The following MYOCD variants were observed in gnomAD, a reference collection of about 807,000 sequenced individuals.
The protein encoded by MYOCD is myocardin.
A neutral mutation model predicts 96.1 loss-of-function variants in MYOCD; 32 were observed. The observed-to-expected ratio is 0.33, with a 90% CI of 0.25 to 0.45. The LOEUF (loss-of-function observed/expected upper bound fraction) is 0.45, where lower values mean the gene tolerates loss of function less well. Among genes scored for constraint, MYOCD ranks in the 20% least tolerant of loss-of-function variants. The pLI is 1.00. For missense variants in MYOCD, 1,133 were observed against 1,200.6 expected (o/e 0.94, Z 0.83); for synonymous variants, 469 against 469.0 (o/e 1.00, Z 0.00).
rs748136577 is a variant in MYOCD, at chr17:12,763,145, G to A, written c.2462G>A (p.Ser821Asn). Residue 821 changes from serine (S) to asparagine (N), a missense_variant, in exon 14 of 14, where the codon AGT (serine) becomes AAT (asparagine). Physicochemically the swap from Ser to Asn is conservative, Grantham distance 46. Transcript: ENST00000425538. Reference protein sequence around the residue: ...KVPKIPRSSRSPTAVLTKPSA... With the variant: ...KVPKIPRSSRNPTAVLTKPSA... ...CCAAAGATACCCAGATCTTCCCGAA[G>A]TCCAACTGCTGTCCTCACCAAGCCC... The A allele has an allele frequency of 5.0e-6, 8 of 1,614,040 alleles. No homozygotes were observed. The highest frequency in any genetic ancestry group is 2.5e-6 in the Non-Finnish European group (3 of 1,180,036).
At chr17:12,712,108 G>C (rs1396519160) in intron 2 of MYOCD, among the ~76,000 whole-genome samples, 1 of 151,772 alleles carries the variant, frequency 6.6e-6, no homozygotes, top group African/African-American at 2.4e-5. Context: ...TGATCCACCT[G>C]CCTCAGCCTC....
At chr17:12,710,845 C>A (rs564887057) in intron 2 of MYOCD, among the ~76,000 whole-genome samples, 8 of 152,244 alleles carry the variant, frequency 5.3e-5, no homozygotes, top group Non-Finnish European at 7.4e-5. Flanking sequence ...CCATTTGGGT[C>A]AAAAATCTGA....
chr17:12,711,909 T>C lies in MYOCD; in HGVS notation c.122-3610T>C, dbSNP rs560080580. The stretch of plus-strand genomic sequence containing the variant: ...TGGGGCTGGGTTGGGGCCCAGGAAT[T>C]GGGATTTCTTTTTTCTTTTTTTTTT... On this transcript the variant is annotated intron_variant, in intron 2 of 13. Coordinates refer to ENST00000425538, the MANE Select transcript of MYOCD (RefSeq NM_001146312.3). 3.1e-4 allele frequency among the ~76,000 whole-genome samples: 47 copies of C among 149,430 alleles called. No homozygotes were observed. The South Asian group carries it at 1.0e-2, about 32-fold the overall frequency.
At position 12,717,349 on chromosome 17, in the gene MYOCD, A is replaced by G; in HGVS notation, c.181A>G (p.Lys61Glu). The G allele has an allele frequency of 6.2e-7, 1 of 1,613,508 alleles. No homozygotes were observed. Among genetic ancestry groups the G allele is most frequent in the Non-Finnish European group, 8.5e-7 (1 of 1,179,506 alleles). Residue 61 changes from lysine to glutamate, a missense_variant, in exon 4 of 14, where the codon AAA becomes GAA. Transcript: ENST00000425538. ...TTCTCTTGTTTGGGTTCTACAGGCT[A>G]AAAATTCCCTGAAGCGCAAAGCCAG... The part of the protein sequence containing the change: ...QRKHLDSDKA[K>E]NSLKRKARNR...
intron 1 of MYOCD, among the ~76,000 whole-genome samples, chr17:12,698,904 G>A (rs1291323208): frequency 2.7e-5 from 4 of 150,694 alleles, no homozygotes; most frequent in Admixed American, 2.0e-4. Context: ...CACCACGCCC[G>A]GCTAATTTTT....
Position 12,766,336 on chromosome 17 carries a change from G to A in MYOCD, c.*2692G>A, listed in dbSNP as rs2150734174. On this transcript the variant is annotated 3_prime_UTR_variant, in exon 14 of 14. Coordinates refer to ENST00000425538, the MANE Select transcript of MYOCD (RefSeq NM_001146312.3). ...TTTTTATGGGGATCTTTGAGGCTATGACCCAGGACTGATAGATATGCCTTA... is the reference window on the plus strand; with the variant it reads ...TTTTTATGGGGATCTTTGAGGCTATAACCCAGGACTGATAGATATGCCTTA... The A allele has an allele frequency of 6.6e-6, 1 of 152,266 alleles. No homozygotes were observed. Among genetic ancestry groups the A allele is most frequent in the Non-Finnish European group, 1.5e-5 (1 of 68,038 alleles). 9.4% of individuals were successfully genotyped at this position (152,266 alleles called of 1,614,324 possible).
At chr17:12,756,620 C>G in intron 11 of MYOCD, 63 bp downstream of exon 11, 2 of 1,423,068 alleles carry the variant, frequency 1.4e-6, no homozygotes, top group East Asian at 3.0e-5. Context: ...TTCTGTAACC[C>G]GGGAGGCAGA....
At chr17:12,671,010 C>T (rs1300388405) in intron 1 of MYOCD, among the ~76,000 whole-genome samples, 4 of 152,118 alleles carry the variant, frequency 2.6e-5, no homozygotes, top group African/African-American at 9.7e-5. Context: ...AGCAAGAACC[C>T]CAACCCCCAC....
At chr17:12,759,712 TGGTGTC>T (rs1192035782) in intron 12 of MYOCD, among the ~76,000 whole-genome samples, 1 of 152,194 alleles carries the variant, frequency 6.6e-6, no homozygotes, top group Non-Finnish European at 1.5e-5. Flanking sequence ...CATACCCTAC[TGGTGTC>T]TACAGGTTCC....
chr17:12,736,250 A>G lies in MYOCD; in HGVS notation c.505A>G (p.Ser169Gly). The change falls in exon 6 of 14, where the codon AGT becomes GGT. Residue 169 changes from serine to glycine, a missense_variant. Coordinates refer to ENST00000425538, the MANE Select transcript of MYOCD (RefSeq NM_001146312.3). ...TGGGCTTTCTCCGGATCAGACTCGAAGTGAAGACCCCCAAAACTCAGCGGG... is the reference window on the plus strand; with the variant it reads ...TGGGCTTTCTCCGGATCAGACTCGAGGTGAAGACCCCCAAAACTCAGCGGG... ...SDGLSPDQTR[S>G]EDPQNSAGSP... 1 of 1,614,226 alleles carries G rather than the reference A, an allele frequency of 6.2e-7. No homozygotes were observed. The highest frequency in any genetic ancestry group is 8.5e-7 in the Non-Finnish European group (1 of 1,180,040).
chr17:12,736,182 A>G lies in MYOCD; in HGVS notation c.437A>G (p.Lys146Arg). Residue 146 changes from lysine to arginine, a missense_variant, in exon 6 of 14, where the codon AAA becomes AGA. Physicochemically the swap from Lys to Arg is conservative, Grantham distance 26. Coordinates refer to ENST00000425538, the MANE Select transcript of MYOCD (RefSeq NM_001146312.3). ...AIKGNQVSFSKSTDAFAFEED... is the reference protein window; with the variant it reads ...AIKGNQVSFSRSTDAFAFEED... Reference sequence around the variant, plus strand: ...TCAGGTAACCAGGTGAGTTTCTCCAAATCCACGGATGCTTTTGCCTTTGAA... The same window carrying G: ...TCAGGTAACCAGGTGAGTTTCTCCAGATCCACGGATGCTTTTGCCTTTGAA... 1 of 1,614,042 alleles carries G rather than the reference A, an allele frequency of 6.2e-7. No homozygotes were observed. Among genetic ancestry groups the G allele is most frequent in the Non-Finnish European group, 8.5e-7 (1 of 1,179,982 alleles).
chr17:12,697,369 T>A (rs1373706880), intron 1 of MYOCD, among the ~76,000 whole-genome samples: 3,844 of 124,962 alleles, frequency 0.031, 59 homozygotes, highest in Middle Eastern at 0.044. Context: ...ATTTTTTTTT[T>A]TTTTTTTTTT....
At chr17:12,711,015 A>G (rs549542036) in intron 2 of MYOCD, among the ~76,000 whole-genome samples, 55 of 152,312 alleles carry the variant, frequency 3.6e-4, no homozygotes, top group Non-Finnish European at 1.0e-4. Flanking sequence ...TTCTCCAAGT[A>G]TGCTAGCCAG....
At chr17:12,671,701 T>C (rs548965668) in intron 1 of MYOCD, among the ~76,000 whole-genome samples, 1 of 152,344 alleles carries the variant, frequency 6.6e-6, no homozygotes, top group Admixed American at 6.5e-5. Flanking sequence ...GTTAGCAAGA[T>C]TGTGTCAAGT....
chr17:12,733,978 A>G (rs543780602), intron 5 of MYOCD, among the ~76,000 whole-genome samples: 13 of 152,240 alleles, frequency 8.5e-5, no homozygotes, highest in African/African-American at 3.1e-4. Flanking sequence ...CTGCTAGGTA[A>G]ACTACTCAGC....
Position 12,767,200 on chromosome 17 carries a change from T to C in MYOCD, c.*3556T>C, listed in dbSNP as rs2033364794. The stretch of plus-strand genomic sequence containing the variant: ...GTCATTCTTAGCACTACAATAATTG[T>C]ACCAGTAATTGAGGAAACCAAGACA... On this transcript the variant is annotated 3_prime_UTR_variant, in exon 14 of 14. Coordinates refer to ENST00000425538, the MANE Select transcript of MYOCD (RefSeq NM_001146312.3). 6.6e-6 allele frequency: 1 copy of C among 152,142 alleles called. No individual in the cohort carries two copies. Among genetic ancestry groups the C allele is most frequent in the Non-Finnish European group, 1.5e-5 (1 of 68,034 alleles). 9.4% of individuals were successfully genotyped at this position (152,142 alleles called of 1,614,324 possible).
chr17:12,746,039 A>G lies in MYOCD; in HGVS notation c.1092A>G (p.Pro364=). The change falls in exon 9 of 14, where the codon CCA becomes CCG. Residue 364 remains proline, a synonymous_variant. Coordinates refer to ENST00000425538, the MANE Select transcript of MYOCD (RefSeq NM_001146312.3). ...AAACTGGTGTCTCTTCTTTCAAACC[A>G]GGCCCACTCCCACCTAACCTGGATG... ...SGQTGVSSFK[P]GPLPPNLDDL... 1 of 1,614,232 alleles carries G rather than the reference A, an allele frequency of 6.2e-7. No individual in the cohort carries two copies. Among genetic ancestry groups the G allele is most frequent in the Non-Finnish European group, 8.5e-7 (1 of 1,180,024 alleles).
intron 12 of MYOCD, 63 bp downstream of exon 12, chr17:12,758,276 T>C (rs1265848290): frequency 1.9e-6 from 3 of 1,608,480 alleles, no homozygotes; most frequent in South Asian, 2.2e-5. Context: ...CATTGTTTGA[T>C]ATGATTAAAC....
intron 1 of MYOCD, among the ~76,000 whole-genome samples, chr17:12,698,490 G>A (rs2030887239): frequency 6.6e-6 from 1 of 152,096 alleles, no homozygotes; most frequent in South Asian, 2.1e-4. Flanking sequence ...ACGGTCATGA[G>A]AATAGTAACT....
Sources: gnomAD v4.1 joint callset for allele counts (sites outside exome capture counted in the v4.1 genomes callset) on GRCh38, gnomAD v4.1.1 for gene constraint, MANE v1.5 for transcripts, NCBI Gene and HGNC (gene_info 2026-07-23, HGNC 2026-07-21) for gene names.